LDB2: variants seen among roughly 807,000 people sequenced by gnomAD.
The protein encoded by LDB2 is LIM domain binding 2.
In LDB2, 12 loss-of-function variants were observed where a neutral mutation model predicts 44.3. The observed-to-expected ratio is 0.27, with a 90% CI of 0.17 to 0.44. The LOEUF (loss-of-function observed/expected upper bound fraction) is 0.44, where lower values mean the gene tolerates loss of function less well. LDB2 is among the 20% of genes least tolerant of loss of function. LDB2 has a pLI of 1.00. For missense variants in LDB2, 344 were observed against 473.5 expected, an observed-to-expected ratio of 0.73 and a Z score of 2.54; for synonymous variants, 164 against 174.8, an observed-to-expected ratio of 0.94 and a Z score of 0.49.
intron 1 of LDB2, among the ~76,000 whole-genome samples, chr4:16,884,452 A>G (rs1301374510): frequency 6.6e-6 from 1 of 152,170 alleles, no homozygotes; most frequent in Non-Finnish European, 1.5e-5. Flanking sequence ...GCCTACACAC[A>G]CAATCATATA....
chr4:16,841,914 A>G (rs1288654708), intron 1 of LDB2, among the ~76,000 whole-genome samples: 4 of 152,130 alleles, frequency 2.6e-5, no homozygotes, highest in Admixed American at 2.0e-4. Flanking sequence ...AACCTAACAC[A>G]CCGTAAACTC....
intron 2 of LDB2, among the ~76,000 whole-genome samples, chr4:16,657,151 A>G (rs1334403583): frequency 6.6e-6 from 1 of 152,228 alleles, no homozygotes; most frequent in Non-Finnish European, 1.5e-5. Flanking sequence ...AAAACAGTAC[A>G]TTTGAAAAGA....
At chr4:16,852,177 C>T (rs1788402961) in intron 1 of LDB2, among the ~76,000 whole-genome samples, 3 of 152,150 alleles carry the variant, frequency 2.0e-5, no homozygotes, top group Admixed American at 2.0e-4. Flanking sequence ...ACATGCAAAG[C>T]ACCTCTCAGA....
At chr4:16,617,585 C>T (rs2152474611) in intron 2 of LDB2, among the ~76,000 whole-genome samples, 1 of 152,216 alleles carries the variant, frequency 6.6e-6, no homozygotes, top group South Asian at 2.1e-4. Context: ...TCATCCATTC[C>T]CTTGGGGATG....
intron 2 of LDB2, among the ~76,000 whole-genome samples, chr4:16,615,662 C>T (rs1727090694): frequency 6.6e-6 from 1 of 152,082 alleles, no homozygotes; most frequent in Non-Finnish European, 1.5e-5. Flanking sequence ...CAGCAAACCA[C>T]CATGGCACAC....
intron 5 of LDB2, among the ~76,000 whole-genome samples, chr4:16,544,037 A>G (rs1475943963): frequency 1.3e-5 from 2 of 152,224 alleles, no homozygotes; most frequent in African/African-American, 4.8e-5. Context: ...ACACACAAAA[A>G]TTAAATTCCT....
At chr4:16,604,776 C>T (rs6836164) in intron 2 of LDB2, among the ~76,000 whole-genome samples, 151,722 of 152,216 alleles carry the variant, frequency 1, 75,620 homozygotes, top group Middle Eastern at 1. Context: ...GCCTTTTCAG[C>T]AATAAAGCAA....
intron 5 of LDB2, among the ~76,000 whole-genome samples, chr4:16,515,241 C>T (rs1723194223): frequency 6.6e-6 from 1 of 152,082 alleles, no homozygotes; most frequent in Admixed American, 6.6e-5. Flanking sequence ...ACATTGGGTA[C>T]ATATGGGCAC....
intron 1 of LDB2, among the ~76,000 whole-genome samples, chr4:16,830,046 A>C (rs1783787522): frequency 6.6e-6 from 1 of 152,084 alleles, no homozygotes; most frequent in Non-Finnish European, 1.5e-5. Context: ...TGGAGGTTGC[A>C]ATGGGCTGAG....
At chr4:16,579,848 C>G (rs569812821) in intron 5 of LDB2, among the ~76,000 whole-genome samples, 1 of 152,264 alleles carries the variant, frequency 6.6e-6, no homozygotes, top group Admixed American at 6.5e-5. Flanking sequence ...TGGGTACTTA[C>G]GTGTCTTCAC....
chr4:16,857,034 TC>T (rs894168010), intron 1 of LDB2, among the ~76,000 whole-genome samples: 1 of 152,204 alleles, frequency 6.6e-6, no homozygotes, highest in Non-Finnish European at 1.5e-5. Context: ...AGACTTGAAG[TC>T]CCACTTTCTT....
intron 1 of LDB2, among the ~76,000 whole-genome samples, chr4:16,821,047 C>T (rs893744711): frequency 3.3e-5 from 5 of 152,096 alleles, no homozygotes; most frequent in Non-Finnish European, 7.4e-5. Flanking sequence ...TCATCAATTG[C>T]TTTACAGCTA....
chr4:16,586,525 CAA>C lies in LDB2; in HGVS notation c.532-522_532-521del, dbSNP rs796979905. On this transcript the variant is annotated intron_variant, in intron 4 of 7. Coordinates refer to ENST00000304523, the MANE Select transcript of LDB2 (RefSeq NM_001290.5). ...ACACACACACACACACACACACACA[CAA>C]AACACACACACACACACACACACAT... 4.8e-5 allele frequency among the ~76,000 whole-genome samples: 4 copies of C among 82,976 alleles called. No homozygotes were observed. The East Asian group carries it at 1.5e-3, about 31-fold the overall frequency. The allele number at this position is 82,976 out of a possible 152,430, so 54.4% of individuals were successfully genotyped here. A position where few individuals can be genotyped will look rare whatever the true frequency, so the allele number is the denominator to read the frequency against.
chr4:16,825,082 G>A (rs763151731), intron 1 of LDB2, among the ~76,000 whole-genome samples: 5 of 152,196 alleles, frequency 3.3e-5, no homozygotes, highest in Admixed American at 6.5e-5. Flanking sequence ...CAGCCTTCCT[G>A]GAGGGGGTGG....
At chr4:16,615,441 T>C (rs1726998681) in intron 2 of LDB2, among the ~76,000 whole-genome samples, 1 of 152,162 alleles carries the variant, frequency 6.6e-6, no homozygotes, top group South Asian at 2.1e-4. Context: ...AAGAATGAGA[T>C]CATGTCCTTT....
intron 1 of LDB2, among the ~76,000 whole-genome samples, chr4:16,880,709 T>G (rs138628478): frequency 0.013 from 1,981 of 152,044 alleles, 21 homozygotes; most frequent in Middle Eastern, 0.058. Context: ...ATCGAGACCA[T>G]CCTGGCTAAC....
intron 1 of LDB2, among the ~76,000 whole-genome samples, chr4:16,841,547 C>T (rs1293781113): frequency 6.6e-6 from 1 of 152,192 alleles, no homozygotes; most frequent in African/African-American, 2.4e-5. Context: ...CAAATGAGAA[C>T]ATTACTTTTC....
chr4:16,847,700 T>C (rs1379377224), intron 1 of LDB2, among the ~76,000 whole-genome samples: 2 of 152,152 alleles, frequency 1.3e-5, no homozygotes, highest in Non-Finnish European at 2.9e-5. Context: ...CATTGCAAGC[T>C]CCGCCTCCAG....
At chr4:16,550,143 A>G (rs1218366652) in intron 5 of LDB2, among the ~76,000 whole-genome samples, 2 of 152,228 alleles carry the variant, frequency 1.3e-5, no homozygotes, top group African/African-American at 4.8e-5. Flanking sequence ...CCTTATCTGT[A>G]AGATGGGATA....
Sources: gnomAD v4.1 joint callset for allele counts (sites outside exome capture counted in the v4.1 genomes callset) on GRCh38, gnomAD v4.1.1 for gene constraint, MANE v1.5 for transcripts, NCBI Gene and HGNC (gene_info 2026-07-23, HGNC 2026-07-21) for gene names.